Variants in C7 observed in about 807,000 individuals in gnomAD.
The protein encoded by C7 is complement C7, also known as complement component C7.
Under a neutral mutation model 104.8 loss-of-function variants are expected in C7, and 83 were observed. The observed-to-expected ratio is 0.79, with a 90% CI of 0.66 to 0.95. The LOEUF (loss-of-function observed/expected upper bound fraction) is 0.95. Ranked by LOEUF, C7 falls within the 40% of genes least tolerant of loss-of-function variation. The pLI, the probability that C7 is intolerant of heterozygous loss-of-function variation, is 0.00. For missense variants in C7, 1,070 were observed against 1,011.2 expected, an observed-to-expected ratio of 1.06 and a Z score of -0.79; for synonymous variants, 415 against 360.6, an observed-to-expected ratio of 1.15 and a Z score of -1.71.
At chr5:40,948,095 T>C (rs191147462) in intron 8 of C7, among the ~76,000 whole-genome samples, 6 of 152,304 alleles carry the variant, frequency 3.9e-5, no homozygotes, top group Admixed American at 3.3e-4. Flanking sequence ...CTAGAGGGTA[T>C]TGGCTGGGTT....
At chr5:40,978,298 C>T (rs865838917) in intron 16 of C7, among the ~76,000 whole-genome samples, 3 of 152,160 alleles carry the variant, frequency 2.0e-5, no homozygotes, top group East Asian at 3.9e-4. Flanking sequence ...AACTAAATGG[C>T]GTGATGGAAA....
At chr5:40,957,380 A>C (rs1740308796) in intron 10 of C7, among the ~76,000 whole-genome samples, 1 of 152,250 alleles carries the variant, frequency 6.6e-6, no homozygotes, top group Non-Finnish European at 1.5e-5. Flanking sequence ...TAAATCTCTC[A>C]GTCAGGAAAT....
intron 13 of C7, 79 bp downstream of exon 13, chr5:40,962,251 C>A: frequency 2.4e-6 from 2 of 829,936 alleles, no homozygotes; most frequent in Admixed American, 2.8e-5. Context: ...CTATTTTCTT[C>A]CTCCATGGTG....
At chr5:40,941,133 G>A (rs1013148025) in intron 6 of C7, among the ~76,000 whole-genome samples, 2 of 149,532 alleles carry the variant, frequency 1.3e-5, no homozygotes, top group Non-Finnish European at 3.0e-5. Flanking sequence ...GTGTGATCTC[G>A]GCTCACTGCA....
intron 7 of C7, among the ~76,000 whole-genome samples, chr5:40,945,606 C>T (rs1740029594): frequency 6.6e-6 from 1 of 151,958 alleles, no homozygotes; most frequent in African/African-American, 2.4e-5. Context: ...CGCCTATAAT[C>T]CCAGCACTTT....
At chr5:40,948,732 T>C (rs1251524235) in intron 8 of C7, among the ~76,000 whole-genome samples, 1 of 152,162 alleles carries the variant, frequency 6.6e-6, no homozygotes, top group South Asian at 2.1e-4. Context: ...TTTTTTTTCC[T>C]AACTTTGTCT....
chr5:40,954,138 G>A (rs1348499847), intron 9 of C7, among the ~76,000 whole-genome samples: 1 of 152,076 alleles, frequency 6.6e-6, no homozygotes, highest in Admixed American at 6.6e-5. Flanking sequence ...CACTTTTCAT[G>A]CGTTAAGTAA....
chr5:40,931,072 C>G lies in C7; in HGVS notation c.71C>G (p.Ser24Cys). Reference protein sequence around the residue: ...GEFQSFSSASSPVNCQWDFYA... With the variant: ...GEFQSFSSASCPVNCQWDFYA... The stretch of plus-strand genomic sequence containing the variant: ...ATTTGACACTGTGGCAGTGCCTCCT[C>G]TCCAGTCAACTGCCAGTGGGACTTC... Residue 24 changes from serine (S) to cysteine (C), a missense_variant, in exon 3 of 18, where the codon TCT becomes TGT. Coordinates refer to ENST00000313164, the MANE Select transcript of C7 (RefSeq NM_000587.4). The G allele has an allele frequency of 6.2e-7, 1 of 1,611,166 alleles. No individual in the cohort carries two copies. Among genetic ancestry groups the G allele is most frequent in the Non-Finnish European group, 8.5e-7 (1 of 1,177,440 alleles).
rs1055973192 is a variant in C7 at position 40,983,555 on chromosome 5, AT to A, written c.*1989del. 3.3e-5 allele frequency among the ~76,000 whole-genome samples: 5 copies of A among 151,892 alleles called. No individual in the cohort carries two copies. Among genetic ancestry groups the A allele is most frequent in the Admixed American group, 2.6e-4 (4 of 15,218 alleles). Reference sequence around the variant, plus strand: ...AAGAGGTGTTGTCTTGAAATACTGTATTTTTTTCCTCCTTTTCTTTTCTGAA... The same window carrying A: ...AAGAGGTGTTGTCTTGAAATACTGTATTTTTTCCTCCTTTTCTTTTCTGAA... On this transcript the variant is annotated 3_prime_UTR_variant, in exon 18 of 18. Transcript: ENST00000313164.
chr5:40,947,807 T>C lies in C7; in HGVS notation c.944T>C (p.Val315Ala), dbSNP rs1235918382. ...QSGSLGGEYR[V>A]LFYVDSEKLK... ...GGGTCGTTAGGAGGAGAATACAGAGTTCTATTTTATGTGGACTCAGAAAAA... is the reference window on the plus strand; with the variant it reads ...GGGTCGTTAGGAGGAGAATACAGAGCTCTATTTTATGTGGACTCAGAAAAA... Residue 315 changes from valine (V) to alanine (A), a missense_variant, in exon 8 of 18, where the codon GTT becomes GCT. Coordinates refer to ENST00000313164, the MANE Select transcript of C7 (RefSeq NM_000587.4). 1 of 1,612,812 alleles carries C rather than the reference T, an allele frequency of 6.2e-7. No individual in the cohort carries two copies. The highest frequency in any genetic ancestry group is 1.3e-5 in the African/African-American group (1 of 74,838).
intron 8 of C7, 133 bp downstream of exon 8, chr5:40,947,978 T>C (rs1254389440): frequency 7.4e-6 from 7 of 943,556 alleles, no homozygotes; most frequent in Non-Finnish European, 1.2e-5. Context: ...AATCTAAAAT[T>C]GCAAGAATGT....
At chr5:40,945,027 G>A (rs962130797) in intron 6 of C7, among the ~76,000 whole-genome samples, 171 bp from the exon 7 acceptor site, 4 of 152,222 alleles carry the variant, frequency 2.6e-5, no homozygotes, top group South Asian at 2.1e-4. Flanking sequence ...AAAAATAATC[G>A]TAGAATGAAC....
chr5:40,947,596 CCA>C lies in C7; in HGVS notation c.739-3_739-2del, dbSNP rs1487465904. 1 of 1,612,722 alleles carries C rather than the reference CCA, an allele frequency of 6.2e-7. No individual in the cohort carries two copies. Among genetic ancestry groups the C allele is most frequent in the African/African-American group, 1.3e-5 (1 of 74,900 alleles). On this transcript the variant is annotated splice_region_variant and splice_polypyrimidine_tract_variant and intron_variant, in intron 7 of 17. Transcript: ENST00000313164. ...AAACTCCTTGTACTCTTTCTTCTTT[CCA>C]CAGAGTTACCAACTGCTGGTTGTTG...
At chr5:40,961,904 G>A (rs943186465) in intron 12 of C7, among the ~76,000 whole-genome samples, 181 bp from the exon 13 acceptor site, 1 of 152,070 alleles carries the variant, frequency 6.6e-6, no homozygotes, top group Non-Finnish European at 1.5e-5. Flanking sequence ...TTGAGTTTAT[G>A]TTTGAGTTTT....
At chr5:40,970,797 C>A (rs1019462018) in intron 14 of C7, among the ~76,000 whole-genome samples, 16 of 152,084 alleles carry the variant, frequency 1.1e-4, no homozygotes, top group African/African-American at 3.4e-4. Flanking sequence ...TGTGATGTTC[C>A]ACTCCCTGTG....
Position 40,959,575 on chromosome 5 carries a change from C to G in C7, c.1616C>G (p.Thr539Arg). The G allele has an allele frequency of 5.6e-6, 9 of 1,608,246 alleles. No individual in the cohort carries two copies. The South Asian group carries it at 8.9e-5, about 16-fold the overall frequency. ...SGGGRSCVGE[T>R]TESTQCEDEE... is the part of the protein sequence containing the mutation. ...GGTGGGAGATCCTGCGTTGGAGAAA[C>G]GACAGAAAGCACACAATGCGAAGAT... is the stretch of plus-strand genomic sequence containing the variant. The change falls in exon 12 of 18, where the codon ACG becomes AGG. Residue 539 changes from threonine to arginine, a missense_variant. Transcript: ENST00000313164.
chr5:40,962,210 C>T (rs1246357146), intron 13 of C7, 38 bp downstream of exon 13: 3 of 1,210,540 alleles, frequency 2.5e-6, no homozygotes, highest in Non-Finnish European at 3.5e-6. Context: ...TTATAATGCT[C>T]TAACTTCTAT....
intron 13 of C7, among the ~76,000 whole-genome samples, chr5:40,964,063 G>T (rs1280558689): frequency 9.2e-6 from 1 of 108,510 alleles, no homozygotes; most frequent in Non-Finnish European, 1.7e-5. Context: ...GAGAGAGAGA[G>T]ACAGAGTCTT....
intron 1 of C7, among the ~76,000 whole-genome samples, chr5:40,910,613 CA>C: frequency 6.6e-6 from 1 of 152,092 alleles, no homozygotes; most frequent in East Asian, 1.9e-4. Flanking sequence ...ATGTCCTTTG[CA>C]GCAACATGGA....
Sources: gnomAD v4.1 joint callset for allele counts (sites outside exome capture counted in the v4.1 genomes callset) on GRCh38, gnomAD v4.1.1 for gene constraint, MANE v1.5 for transcripts, NCBI Gene and HGNC (gene_info 2026-07-23, HGNC 2026-07-21) for gene names.